The following NETO1 variants were observed in gnomAD, a reference collection of about 807,000 sequenced individuals.
NETO1 encodes the protein neuropilin and tolloid like 1.
In NETO1, 26 loss-of-function variants were observed where a neutral mutation model predicts 61.3. The observed-to-expected ratio is 0.42, with a 90% CI of 0.31 to 0.59. NETO1 has a LOEUF of 0.59. Ranked by LOEUF, NETO1 falls within the 20% of genes least tolerant of loss-of-function variation. The pLI is 0.12. For missense variants in NETO1, 531 were observed against 662.8 expected, an observed-to-expected ratio of 0.80 and a Z score of 2.18; for synonymous variants, 225 against 225.8, an observed-to-expected ratio of 1.00 and a Z score of 0.03.
intron 4 of NETO1, among the ~76,000 whole-genome samples, chr18:72,795,395 T>A (rs1393748999): frequency 6.6e-6 from 1 of 152,206 alleles, no homozygotes; most frequent in East Asian, 1.9e-4. Flanking sequence ...AAAGGCTAAC[T>A]GTGATGAAGA....
intron 8 of NETO1, among the ~76,000 whole-genome samples, chr18:72,754,357 T>C (rs1185192502): frequency 6.6e-6 from 1 of 152,084 alleles, no homozygotes; most frequent in Non-Finnish European, 1.5e-5. Context: ...TAAATGTGAA[T>C]GGATTAAAGA....
rs2073537617 is a variant in NETO1 at position 72,830,431 on chromosome 18, T to G, written c.469+28395A>C. On this transcript the variant is annotated intron_variant, in intron 4 of 10. Transcript: ENST00000327305. The surrounding 1 kb of genome is among the most constrained non-coding windows in gnomAD (Gnocchi z 4.9). ...TTCAGAAAAATTTTGTGAGATCACC[T>G]TTGCTGGGCGGTGAAAGGGACCAGG... 6.6e-6 allele frequency among the ~76,000 whole-genome samples: 1 copy of G among 152,078 alleles called. No individual in the cohort carries two copies. Among genetic ancestry groups the G allele is most frequent in the African/African-American group, 2.4e-5 (1 of 41,398 alleles).
chr18:72,768,865 G>A (rs1477884646), intron 7 of NETO1, among the ~76,000 whole-genome samples: 4 of 152,174 alleles, frequency 2.6e-5, no homozygotes, highest in African/African-American at 9.7e-5. Context: ...TTAGGAATCC[G>A]CACTCCAGAA....
At chr18:72,795,563 C>A (rs940767973) in intron 4 of NETO1, among the ~76,000 whole-genome samples, 2 of 152,146 alleles carry the variant, frequency 1.3e-5, no homozygotes, top group East Asian at 3.9e-4. Context: ...CCATAAGTTA[C>A]ATTCTTGGAG....
At chr18:72,867,006 C>A in intron 1 of NETO1, 1 of 449,402 alleles carries the variant, frequency 2.2e-6, no homozygotes, top group Non-Finnish European at 3.9e-6. Context: ...ACGCTATCCT[C>A]CACCCCCGGG....
In NETO1 at chr18:72,747,555, G is replaced by C. The variant is rs947709051; in HGVS notation, c.*624C>G. 6.6e-6 allele frequency: 1 copy of C among 151,972 alleles called. No homozygotes were observed. Among genetic ancestry groups the C allele is most frequent in the East Asian group, 1.9e-4 (1 of 5,186 alleles). 9.4% of individuals were successfully genotyped at this position (151,972 alleles called of 1,614,324 possible). A position where few individuals can be genotyped will look rare whatever the true frequency, so the allele number is the denominator to read the frequency against. On this transcript the variant is annotated 3_prime_UTR_variant, in exon 11 of 11. Coordinates refer to ENST00000327305, the MANE Select transcript of NETO1 (RefSeq NM_138966.5). ...CAAAAAGGAAATCAGGGGTATACAG[G>C]AAAGACCAAAAAATGAATTTTTTTA...
intron 4 of NETO1, among the ~76,000 whole-genome samples, chr18:72,801,311 T>C (rs902189855): frequency 2.0e-5 from 3 of 152,212 alleles, no homozygotes; most frequent in African/African-American, 7.2e-5. Flanking sequence ...GTTTTTTAAA[T>C]GTTATTGCAA....
intron 3 of NETO1, among the ~76,000 whole-genome samples, chr18:72,862,166 C>T (rs2145671875): frequency 6.6e-6 from 1 of 152,248 alleles, no homozygotes; most frequent in East Asian, 1.9e-4. Flanking sequence ...ACCGGGGTGC[C>T]ACGGGCATTC....
At chr18:72,791,364 A>G (rs756913473) in intron 6 of NETO1, among the ~76,000 whole-genome samples, 2 of 152,184 alleles carry the variant, frequency 1.3e-5, no homozygotes, top group African/African-American at 2.4e-5. Context: ...TTGTGCTTTG[A>G]TAGTCTATTC....
rs1301842275 is a variant in NETO1, at chr18:72,747,120, C to T, written c.*1059G>A. 1 of 151,964 alleles carries T rather than the reference C, an allele frequency of 6.6e-6. No homozygotes were observed. The highest frequency in any genetic ancestry group is 1.5e-5 in the Non-Finnish European group (1 of 67,930). The allele number at this position is 151,964 out of a possible 1,614,324, so 9.4% of individuals were successfully genotyped here. ...GGAAGTAAACCTCAATACTGAAGGA[C>T]ATCCTGTACCCTAAAAGGTGGAAAG... On this transcript the variant is annotated 3_prime_UTR_variant, in exon 11 of 11. Transcript: ENST00000327305.
rs1341414841 is a variant in NETO1 at position 72,867,797 on chromosome 18, CGGCGGCGGG to C, written c.-515_-507del. The C allele has an allele frequency of 3.9e-5, 6 of 155,434 alleles. No homozygotes were observed. Among genetic ancestry groups the C allele is most frequent in the African/African-American group, 1.5e-4 (6 of 39,884 alleles). 9.6% of individuals were successfully genotyped at this position (155,434 alleles called of 1,614,324 possible). On this transcript the variant is annotated 5_prime_UTR_variant, in exon 1 of 11. Transcript: ENST00000327305. The stretch of plus-strand genomic sequence containing the variant: ...GAGCGGGCGGCGGCGGCGGCGCCGG[CGGCGGCGGG>C]GTGGCTCAGTCCCCAGTCTCAGACG...
intron 4 of NETO1, among the ~76,000 whole-genome samples, chr18:72,845,671 A>AT (rs1382728836): frequency 6.6e-6 from 1 of 152,202 alleles, no homozygotes; most frequent in African/African-American, 2.4e-5. Context: ...GATTAGTAAT[A>AT]TTTTTCCCTT....
At chr18:72,751,594 G>A (rs2070619576) in intron 8 of NETO1, among the ~76,000 whole-genome samples, 2 of 152,144 alleles carry the variant, frequency 1.3e-5, no homozygotes, top group Admixed American at 6.5e-5. Context: ...CCTTCACTTG[G>A]AGGGCAGGAG....
intron 3 of NETO1, among the ~76,000 whole-genome samples, chr18:72,864,399 AT>A (rs1228664340): frequency 1.3e-5 from 2 of 152,214 alleles, no homozygotes; most frequent in Admixed American, 1.3e-4. Context: ...CATTAATACG[AT>A]TTTTGTAATT....
chr18:72,865,623 G>GGA, intron 1 of NETO1: 1 of 1,598,810 alleles, frequency 6.3e-7, no homozygotes, highest in Middle Eastern at 1.7e-4. Flanking sequence ...GGGGCCAGAA[G>GGA]GTAAAAAGGA....
chr18:72,755,989 C>G (rs1391807563), intron 8 of NETO1, 45 bp downstream of exon 8: 2 of 1,035,178 alleles, frequency 1.9e-6, no homozygotes, highest in African/African-American at 3.1e-5. Flanking sequence ...CTACCCCACT[C>G]CACAGGGAGG....
chr18:72,855,423 A>T (rs2074385779), intron 4 of NETO1, among the ~76,000 whole-genome samples: 1 of 152,214 alleles, frequency 6.6e-6, no homozygotes, highest in Non-Finnish European at 1.5e-5. Flanking sequence ...GGACCTGGGT[A>T]ATGACACAGT....
rs372450458 is a variant in NETO1, at chr18:72,750,534, T to C, written c.1069A>G (p.Ile357Val). 44 of 1,613,824 alleles carry C rather than the reference T, an allele frequency of 2.7e-5. No homozygotes were observed. The highest frequency in any genetic ancestry group is 3.6e-5 in the Non-Finnish European group (42 of 1,179,982). The stretch of plus-strand genomic sequence containing the variant: ...ATCTGTACGATGACAGAGATGATAA[T>C]GAGGATGATCACGATGCAGGAAGTC... ...GVTSCIVIIL[I>V]IISVIVQIKQ... Residue 357 changes from isoleucine (I) to valine (V), a missense_variant, in exon 9 of 11, where the codon ATT becomes GTT. Ile to Val is a conservative substitution (Grantham distance 29, BLOSUM62 3). Transcript: ENST00000327305.
chr18:72,750,267 T>G lies in NETO1; in HGVS notation c.1336A>C (p.Asn446His). Reference protein sequence around the residue: ...QLSSTKGSRSNLSTRDASILT... With the variant: ...QLSSTKGSRSHLSTRDASILT... The stretch of plus-strand genomic sequence containing the variant: ...ATAGAAGCATCTCTTGTGCTGAGGT[T>G]ACTGCGGCTGCCTTTAGTGCTGGAC... Residue 446 changes from asparagine to histidine, a missense_variant, in exon 9 of 11, where the codon AAC becomes CAC. Asn to His is a moderately conservative substitution (Grantham distance 68). Transcript: ENST00000327305. The G allele has an allele frequency of 6.2e-7, 1 of 1,614,124 alleles. No individual in the cohort carries two copies. Among genetic ancestry groups the G allele is most frequent in the Non-Finnish European group, 8.5e-7 (1 of 1,179,986 alleles).
Sources: allele counts gnomAD v4.1 joint callset (sites outside exome capture counted in the v4.1 genomes callset), GRCh38; gene constraint gnomAD v4.1.1; non-coding constraint Gnocchi (gnomAD v3.1); transcripts MANE v1.5; gene names NCBI Gene and HGNC (gene_info 2026-07-23, HGNC 2026-07-21).